The following ANAPC15 variants were observed in gnomAD, a reference collection of about 807,000 sequenced individuals.
ANAPC15 encodes anaphase promoting complex subunit 15, also known as anaphase-promoting complex subunit 15.
In ANAPC15, 13 loss-of-function variants were observed where a neutral mutation model predicts 19.8. That is an observed-to-expected ratio of 0.66 (90% CI 0.43 to 1.04). ANAPC15 has a LOEUF of 1.04. Among genes scored for constraint, ANAPC15 ranks in the 50% least tolerant of loss-of-function variants. The pLI is 0.00. For missense variants in ANAPC15, 88 were observed against 150.3 expected (o/e 0.59, Z 2.17); for synonymous variants, 45 against 50.7 (o/e 0.89, Z 0.47).
chr11:72,107,930 CCT>C, downstream of ANAPC15: 3 of 1,551,764 alleles, frequency 1.9e-6, no homozygotes, highest in Non-Finnish European at 2.6e-6. Flanking sequence ...TAGGTCAGAT[CCT>C]GATGCGGCTG....
intron 1 of ANAPC15, chr11:72,112,232 T>C (rs1947212401): frequency 6.4e-6 from 1 of 156,692 alleles, no homozygotes; most frequent in African/African-American, 2.4e-5. Flanking sequence ...GTCCAAGAAG[T>C]ACTGACAGAC....
At position 72,110,346 on chromosome 11, in the gene ANAPC15, G is replaced by C. The variant is rs945839322; in HGVS notation, c.181-121C>G. 5 of 1,568,524 alleles carry C rather than the reference G, an allele frequency of 3.2e-6. No individual in the cohort carries two copies. In the African/African-American group the frequency reaches 4.0e-5, roughly 13 times the overall value. ...CCCCCTACCCCGACACTCCCTCCTT[G>C]AGTCTAGCAGGCTGGTGCATGTTCT... On this transcript the variant is annotated intron_variant, in intron 4 of 5. Coordinates refer to ENST00000227618, the MANE Select transcript of ANAPC15 (RefSeq NM_014042.3).
At chr11:72,107,294 A>G (rs187407105), downstream of ANAPC15, 60 of 602,558 alleles carry the variant, frequency 1.0e-4, 2 homozygotes, top group East Asian at 8.1e-4. Context: ...AGTTCATCCA[A>G]TTCCAAGATC....
downstream of ANAPC15, chr11:72,109,323 A>G (rs1438886255): frequency 2.1e-6 from 1 of 467,344 alleles, no homozygotes; most frequent in Non-Finnish European, 4.3e-6. Flanking sequence ...AAAGCCTCCC[A>G]TCCTCAGCCC....
At chr11:72,111,098 C>A (rs988012280) in intron 3 of ANAPC15, 59 bp downstream of exon 3, 1 of 1,017,322 alleles carries the variant, frequency 9.8e-7, no homozygotes, top group Non-Finnish European at 1.4e-6. Context: ...GGTCATGGCC[C>A]ACTGAAGGAG....
At chr11:72,110,464 G>T (rs1946459360) in intron 4 of ANAPC15, 80 bp downstream of exon 4, 1 of 1,592,178 alleles carries the variant, frequency 6.3e-7, no homozygotes, top group East Asian at 2.2e-5. Flanking sequence ...CTCTGGGTCA[G>T]AGACAGGACA....
At chr11:72,108,611 C>T (rs1189119722), downstream of ANAPC15, 2 of 1,462,816 alleles carry the variant, frequency 1.4e-6, no homozygotes, top group Non-Finnish European at 1.8e-6. Flanking sequence ...ACAGGTGGAG[C>T]TCATCGTGGG....
intron 1 of ANAPC15, chr11:72,112,302 T>G (rs985397106): frequency 6.4e-6 from 1 of 156,846 alleles, no homozygotes; most frequent in Non-Finnish European, 1.4e-5. Context: ...CTTTCTTTGC[T>G]CATTACGATA....
downstream of ANAPC15, chr11:72,108,561 A>G (rs1234176218): frequency 7.7e-6 from 11 of 1,425,840 alleles, no homozygotes; most frequent in Non-Finnish European, 1.0e-5. Flanking sequence ...GACTGGGAGA[A>G]CAATTCCCCC....
At chr11:72,111,369 A>C in intron 2 of ANAPC15, 43 bp downstream of exon 2, 1 of 1,100,688 alleles carries the variant, frequency 9.1e-7, no homozygotes, top group East Asian at 2.4e-5. Flanking sequence ...ATAGGGTGGA[A>C]GACAGCAGGA....
chr11:72,108,023 G>T, downstream of ANAPC15: 2 of 1,551,618 alleles, frequency 1.3e-6, no homozygotes, highest in Non-Finnish European at 1.7e-6. Context: ...CCCGAGCCCT[G>T]CCCCCTGGGG....
downstream of ANAPC15, chr11:72,109,305 G>A (rs555713032): frequency 2.3e-4 from 109 of 470,706 alleles, no homozygotes; most frequent in South Asian, 1.2e-3. Flanking sequence ...CCCAGTTCTC[G>A]GCCTCAGAAA....
At chr11:72,108,546 G>A (rs1945964554), downstream of ANAPC15, 1 of 1,405,158 alleles carries the variant, frequency 7.1e-7, no homozygotes, top group Non-Finnish European at 9.3e-7. Context: ...TCCTGGTGGG[G>A]TCTTGACTGG....
rs925347105 is a variant in ANAPC15 at position 72,109,812 on chromosome 11, T to C, written c.*69A>G. 3 of 1,585,770 alleles carry C rather than the reference T, an allele frequency of 1.9e-6. No individual in the cohort carries two copies. The African/African-American group carries it at 4.0e-5, about 21-fold the overall frequency. On this transcript the variant is annotated 3_prime_UTR_variant, in exon 6 of 6. Transcript: ENST00000227618. ...CATCAGCTGGTTCTGTGGGCAGGGG[T>C]TGGGGGTTGGGATGCAGGGTAGTTT...
chr11:72,108,355 C>A (rs537264997), downstream of ANAPC15, among the ~76,000 whole-genome samples: 1 of 152,336 alleles, frequency 6.6e-6, no homozygotes, highest in African/African-American at 2.4e-5. Flanking sequence ...AATTTGGGTC[C>A]AGCTCTTACT....
downstream of ANAPC15, chr11:72,109,563 C>T (rs1217502070): frequency 1.9e-5 from 9 of 467,368 alleles, no homozygotes; most frequent in Admixed American, 2.0e-4. Context: ...TGGGCCCCAC[C>T]AACAAATAGG....
chr11:72,106,958 GAAAA>G (rs1945749436), downstream of ANAPC15: 2 of 136,624 alleles, frequency 1.5e-5, no homozygotes, highest in Admixed American at 1.5e-4. Context: ...AAAAAAAAAA[GAAAA>G]AGAAAAGAAA....
intron 3 of ANAPC15, chr11:72,110,892 T>G (rs1383816371): frequency 1.7e-6 from 1 of 575,030 alleles, no homozygotes; most frequent in Non-Finnish European, 3.1e-6. Flanking sequence ...ATAGTCAAAA[T>G]TATTTCCTGT....
intron 3 of ANAPC15, 33 bp downstream of exon 3, chr11:72,111,124 G>T: frequency 7.0e-7 from 1 of 1,419,984 alleles, no homozygotes; most frequent in Non-Finnish European, 1.0e-6. Context: ...TGTCTGTGCT[G>T]AGGTCTCTGT....
Sources: gnomAD v4.1 joint callset for allele counts (sites outside exome capture counted in the v4.1 genomes callset) on GRCh38, gnomAD v4.1.1 for gene constraint, MANE v1.5 for transcripts, NCBI Gene and HGNC (gene_info 2026-07-23, HGNC 2026-07-21) for gene names.